Variants in MATCAP2 observed in about 807,000 individuals in gnomAD.
The protein encoded by MATCAP2 is microtubule associated tyrosine carboxypeptidase 2.
At chr7:36,356,521 A>C in the MATCAP2 span, 10 of 325,056 alleles carry the variant, frequency 3.1e-5, no homozygotes, top group Admixed American at 9.2e-5. Flanking sequence ...CTCAGAAAAA[A>C]ACAAAAAACA....
the MATCAP2 span, among the ~76,000 whole-genome samples, chr7:36,381,231 A>G: frequency 6.6e-6 from 1 of 152,198 alleles, no homozygotes; most frequent in Non-Finnish European, 1.5e-5. Context: ...GATTAGAATC[A>G]GGAGACCAGG....
At chr7:36,389,777 G>C in the MATCAP2 span, 1 of 595,546 alleles carries the variant, frequency 1.7e-6, no homozygotes. Flanking sequence ...CGAGCGCAGG[G>C]GCGGGGAGAG....
the MATCAP2 span, among the ~76,000 whole-genome samples, chr7:36,383,095 C>T: frequency 6.6e-6 from 1 of 152,064 alleles, no homozygotes; most frequent in Non-Finnish European, 1.5e-5. Flanking sequence ...GAATCTGAAA[C>T]ATCTTCATCA....
At chr7:36,366,458 A>C in the MATCAP2 span, among the ~76,000 whole-genome samples, 1 of 152,210 alleles carries the variant, frequency 6.6e-6, no homozygotes, top group Non-Finnish European at 1.5e-5. Flanking sequence ...TCAACTCAAA[A>C]CGTTCTCACT....
chr7:36,344,640 T>C, the MATCAP2 span, among the ~76,000 whole-genome samples: 3 of 152,220 alleles, frequency 2.0e-5, no homozygotes, highest in Admixed American at 6.5e-5. Context: ...CAGGTAGGCA[T>C]TGATATCCCT....
chr7:36,356,756 C>T, the MATCAP2 span: 113 of 711,244 alleles, frequency 1.6e-4, 2 homozygotes, highest in South Asian at 9.0e-4. Context: ...CTCGTCTTGT[C>T]GCACATTTAC....
At chr7:36,330,991 A>G in the MATCAP2 span, 1 of 1,606,902 alleles carries the variant, frequency 6.2e-7, no homozygotes, top group Non-Finnish European at 8.5e-7. Flanking sequence ...CCTTCCCGAG[A>G]GCAGTCAGCA....
the MATCAP2 span, among the ~76,000 whole-genome samples, chr7:36,351,843 G>T: frequency 6.6e-5 from 10 of 151,550 alleles, no homozygotes; most frequent in Admixed American, 4.6e-4. Context: ...CTACTTGCGG[G>T]GCTGAGGTGG....
the MATCAP2 span, among the ~76,000 whole-genome samples, chr7:36,353,544 G>A: frequency 6.8e-6 from 1 of 147,506 alleles, no homozygotes; most frequent in Non-Finnish European, 1.5e-5. Flanking sequence ...GCAGTGGTGC[G>A]ATCTCAGCTC....
the MATCAP2 span, among the ~76,000 whole-genome samples, chr7:36,387,592 G>T: frequency 9.2e-5 from 14 of 152,126 alleles, no homozygotes; most frequent in Non-Finnish European, 1.6e-4. Flanking sequence ...CGTAGTTTCT[G>T]GCACATAGTA....
the MATCAP2 span, among the ~76,000 whole-genome samples, chr7:36,377,066 T>A: frequency 4.5e-4 from 69 of 152,368 alleles, no homozygotes; most frequent in East Asian, 0.013. Context: ...TTTGCCAGTC[T>A]GTGTCTTTTA....
At chr7:36,330,618 A>G in the MATCAP2 span, among the ~76,000 whole-genome samples, 1 of 151,800 alleles carries the variant, frequency 6.6e-6, no homozygotes. Context: ...TCTTTTTATT[A>G]TTAACAAAAT....
the MATCAP2 span, among the ~76,000 whole-genome samples, chr7:36,361,722 T>G: frequency 2.6e-5 from 4 of 152,044 alleles, no homozygotes; most frequent in African/African-American, 9.7e-5. Flanking sequence ...AAAACTCCAA[T>G]TCTAAAAAAC....
the MATCAP2 span, chr7:36,333,966 A>G: frequency 6.2e-7 from 1 of 1,614,132 alleles, no homozygotes. Context: ...ACAAAAAGAC[A>G]TTTGGCTGGC....
the MATCAP2 span, among the ~76,000 whole-genome samples, chr7:36,350,184 A>G: frequency 6.6e-6 from 1 of 152,240 alleles, no homozygotes; most frequent in Non-Finnish European, 1.5e-5. Context: ...TTTTACGTCA[A>G]GACATCCTAT....
the MATCAP2 span, among the ~76,000 whole-genome samples, chr7:36,385,292 A>ATTTTC: frequency 4.6e-5 from 7 of 152,184 alleles, no homozygotes; most frequent in African/African-American, 1.7e-4. Flanking sequence ...TCAGAAGAGG[A>ATTTTC]TTTTCTTTTC....
chr7:36,385,787 A>AAAAATAAAATAAAATAAAAT, the MATCAP2 span, among the ~76,000 whole-genome samples: 495 of 119,396 alleles, frequency 4.1e-3, 5 homozygotes, highest in East Asian at 9.2e-3. Context: ...CCCTATTTCA[A>AAAAATAAAATAAAATAAAAT]AAAATAAAAT....
chr7:36,358,583 TTTTAGAACTCACAAG>T, the MATCAP2 span, among the ~76,000 whole-genome samples: 1 of 152,224 alleles, frequency 6.6e-6, no homozygotes. Context: ...GCAGCTTTGT[TTTTAGAACTCACAAG>T]TGCTTTAAAC....
chr7:36,326,905 T>G, the MATCAP2 span: 1 of 1,604,922 alleles, frequency 6.2e-7, no homozygotes, highest in South Asian at 1.1e-5. Context: ...GCGATCCACA[T>G]CTTCATAAGA....
Sources: gnomAD v4.1 joint callset for allele counts (sites outside exome capture counted in the v4.1 genomes callset) on GRCh38, gnomAD v4.1.1 for gene constraint, MANE v1.5 for transcripts, NCBI Gene and HGNC (gene_info 2026-07-23, HGNC 2026-07-21) for gene names.